The following GTF2A1L variants were observed in gnomAD, a reference collection of about 807,000 sequenced individuals.
GTF2A1L encodes the protein TFIIA-alpha and beta-like factor.
GTF2A1L carries 48 observed loss-of-function variants against 49.7 expected under a neutral mutation model. That is an observed-to-expected ratio of 0.97 (90% CI 0.77 to 1.23). The LOEUF is 1.23. Ranked by LOEUF, GTF2A1L falls within the 50% of genes most tolerant of loss-of-function variation. The pLI is 0.00. For synonymous variants in GTF2A1L, 246 were observed against 193.5 expected, an observed-to-expected ratio of 1.27 and a Z score of -2.25; for missense variants, 736 against 564.8, an observed-to-expected ratio of 1.30 and a Z score of -3.07.
At chr2:48,643,825 G>A (rs532275264) in intron 4 of GTF2A1L, among the ~76,000 whole-genome samples, 43 of 148,934 alleles carry the variant, frequency 2.9e-4, no homozygotes, top group African/African-American at 1.0e-3. Flanking sequence ...TCAGCCTCCC[G>A]AGTAACGAGA....
chr2:48,668,964 G>A (rs1007519070), intron 6 of GTF2A1L, among the ~76,000 whole-genome samples: 3 of 152,066 alleles, frequency 2.0e-5, no homozygotes, highest in African/African-American at 7.2e-5. Flanking sequence ...AACCATCTAC[G>A]TGACCAGAGG....
At chr2:48,664,151 G>T (rs943115719) in intron 6 of GTF2A1L, among the ~76,000 whole-genome samples, 1 of 151,866 alleles carries the variant, frequency 6.6e-6, no homozygotes, top group South Asian at 2.1e-4. Flanking sequence ...GCACTGACTA[G>T]GACTTCCAGT....
rs61755864 is a variant in GTF2A1L, at chr2:48,646,786, A to G, written c.722A>G (p.Tyr241Cys). 0.055 allele frequency: 88,197 copies of G among 1,614,126 alleles called. 2,797 individuals are homozygous for G. The highest frequency in any genetic ancestry group is 0.064 in the Non-Finnish European group (75,905 of 1,180,010). The change falls in exon 6 of 9, where the codon TAT (tyrosine) becomes TGT (cysteine). Residue 241 changes from tyrosine (Y) to cysteine (C), a missense_variant. Tyr to Cys is a radical substitution (Grantham distance 194). Coordinates refer to ENST00000403751, the MANE Select transcript of GTF2A1L (RefSeq NM_006872.5). ...ALLCHQESSHYISLPGVVFSP... is the reference protein window; with the variant it reads ...ALLCHQESSHCISLPGVVFSP... Reference sequence around the variant, plus strand: ...TTGTGTCATCAGGAAAGTTCTCACTATATCAGTCTTCCAGGTGTTGTATTT... The same window carrying G: ...TTGTGTCATCAGGAAAGTTCTCACTGTATCAGTCTTCCAGGTGTTGTATTT...
At chr2:48,653,598 A>T (rs1401420427) in intron 6 of GTF2A1L, among the ~76,000 whole-genome samples, 1 of 152,116 alleles carries the variant, frequency 6.6e-6, no homozygotes, top group Admixed American at 6.5e-5. Context: ...TACCACATTT[A>T]TTTACCAGTT....
chr2:48,620,928 A>G lies in GTF2A1L; in HGVS notation c.99A>G (p.Glu33=), dbSNP rs746952930. The change falls in exon 2 of 9, where the codon GAA becomes GAG. Residue 33 remains glutamate (E), a synonymous_variant. Transcript: ENST00000403751. ...TATTTGCTGAAGAAGGTATAGAGGA[A>G]CAAGTTTTAAAAGACTTGAAGCAGG... ...RNLFAEEGIE[E]QVLKDLKQLW... The G allele has an allele frequency of 6.2e-7, 1 of 1,603,362 alleles. No individual in the cohort carries two copies.
At chr2:48,644,273 C>G (rs1048248243) in intron 4 of GTF2A1L, among the ~76,000 whole-genome samples, 1 of 152,178 alleles carries the variant, frequency 6.6e-6, no homozygotes, top group Non-Finnish European at 1.5e-5. Context: ...TTCATCCAGA[C>G]TTCTTTCATG....
intron 8 of GTF2A1L, among the ~76,000 whole-genome samples, chr2:48,675,329 C>G (rs1053762102): frequency 4.6e-5 from 7 of 152,246 alleles, no homozygotes; most frequent in African/African-American, 1.7e-4. Context: ...TTTAACAAGA[C>G]TCCAAAATGA....
At chr2:48,621,060 A>G in intron 2 of GTF2A1L, 107 bp from the exon 3 acceptor site, 1 of 1,512,956 alleles carries the variant, frequency 6.6e-7, no homozygotes, top group Non-Finnish European at 8.9e-7. Context: ...TTACCCATTC[A>G]TTGTGCCATC....
chr2:48,618,522 C>A (rs3792239), intron 1 of GTF2A1L, among the ~76,000 whole-genome samples: 39,049 of 151,860 alleles, frequency 0.26, 5,187 homozygotes, highest in Non-Finnish European at 0.27. Context: ...ATCTTTATTA[C>A]CAATTCATCT....
At chr2:48,631,771 CA>C (rs1045705712) in intron 3 of GTF2A1L, among the ~76,000 whole-genome samples, 4 of 151,978 alleles carry the variant, frequency 2.6e-5, no homozygotes, top group Non-Finnish European at 2.9e-5. Context: ...GAGATCTTTC[CA>C]ACTTTTTGTG....
chr2:48,657,693 G>T (rs1002570134), intron 6 of GTF2A1L, among the ~76,000 whole-genome samples: 1 of 151,942 alleles, frequency 6.6e-6, no homozygotes, highest in Non-Finnish European at 1.5e-5. Flanking sequence ...CACAGTGGCT[G>T]AACTAATTTA....
At chr2:48,672,916 T>G (rs370293015) in intron 8 of GTF2A1L, among the ~76,000 whole-genome samples, 1 of 152,222 alleles carries the variant, frequency 6.6e-6, no homozygotes, top group Admixed American at 6.5e-5. Context: ...CCCCATACTT[T>G]TTGTTTCTTA....
chr2:48,622,279 A>C (rs1676043471), intron 3 of GTF2A1L, among the ~76,000 whole-genome samples: 1 of 152,244 alleles, frequency 6.6e-6, no homozygotes, highest in Non-Finnish European at 1.5e-5. Flanking sequence ...ATTAGCAAAT[A>C]CAAGTTTTAT....
At chr2:48,668,249 A>T (rs1305710048) in intron 6 of GTF2A1L, among the ~76,000 whole-genome samples, 1 of 152,164 alleles carries the variant, frequency 6.6e-6, no homozygotes, top group African/African-American at 2.4e-5. Context: ...ACATTTCTAT[A>T]TTCCAGTCTT....
At chr2:48,665,529 T>A (rs1678793564) in intron 6 of GTF2A1L, among the ~76,000 whole-genome samples, 2 of 152,122 alleles carry the variant, frequency 1.3e-5, no homozygotes, top group Non-Finnish European at 2.9e-5. Context: ...TTCATTTGCA[T>A]TCAATTAAAA....
intron 3 of GTF2A1L, among the ~76,000 whole-genome samples, chr2:48,642,174 G>C (rs1398211598): frequency 6.6e-6 from 1 of 152,128 alleles, no homozygotes; most frequent in Non-Finnish European, 1.5e-5. Context: ...TGATTACAAT[G>C]AGATATTTTC....
At chr2:48,639,465 A>G (rs923318157) in intron 3 of GTF2A1L, among the ~76,000 whole-genome samples, 8 of 152,318 alleles carry the variant, frequency 5.3e-5, no homozygotes, top group East Asian at 3.9e-4. Context: ...TCCCAATAAA[A>G]TAAATGGTGC....
intron 5 of GTF2A1L, 78 bp from the exon 6 acceptor site, chr2:48,646,373 ATT>A (rs370649699): frequency 5.7e-3 from 5,789 of 1,021,446 alleles, no homozygotes; most frequent in South Asian, 9.8e-3. Context: ...TGTGGATGAG[ATT>A]TTTTTTTTTT....
At chr2:48,677,628 G>T (rs1679541538) in intron 8 of GTF2A1L, among the ~76,000 whole-genome samples, 2 of 151,918 alleles carry the variant, frequency 1.3e-5, no homozygotes, top group Admixed American at 1.3e-4. Flanking sequence ...AGACACTCTG[G>T]GTATCCTGTT....
Sources: allele counts gnomAD v4.1 joint callset (sites outside exome capture counted in the v4.1 genomes callset), GRCh38; gene constraint gnomAD v4.1.1; transcripts MANE v1.5; gene names NCBI Gene and HGNC (gene_info 2026-07-23, HGNC 2026-07-21).